The following ACSL4 variants were observed in gnomAD, a reference collection of about 807,000 sequenced individuals.
ACSL4 encodes the protein acyl-CoA synthetase long chain family member 4.
ACSL4 carries 9 observed loss-of-function variants against 49.1 expected under a neutral mutation model. That is an observed-to-expected ratio of 0.18 (90% CI 0.11 to 0.32). ACSL4 has a LOEUF of 0.32. ACSL4 is among the 10% of genes least tolerant of loss of function. ACSL4 has a pLI of 1.00. For synonymous variants in ACSL4, 191 were observed against 170.3 expected, an observed-to-expected ratio of 1.12 and a Z score of -0.95; for missense variants, 333 against 493.7, an observed-to-expected ratio of 0.67 and a Z score of 3.08.
intron 15 of ACSL4, among the ~76,000 whole-genome samples, chrX:109,648,475 C>A (rs1350699830): frequency 9.0e-6 from 1 of 110,978 alleles, no homozygotes; most frequent in East Asian, 2.8e-4. Context: ...AATTCAACAA[C>A]GCTTCATGCT....
intron 1 of ACSL4, among the ~76,000 whole-genome samples, chrX:109,701,869 T>C (rs1925984338): frequency 1.1e-5 from 1 of 94,801 alleles, no homozygotes; most frequent in Non-Finnish European, 2.1e-5. Context: ...TAAACAACAA[T>C]TGAATCATAC....
intron 9 of ACSL4, among the ~76,000 whole-genome samples, chrX:109,671,616 G>C (rs970287638): frequency 2.5e-4 from 28 of 112,754 alleles, no homozygotes; most frequent in Admixed American, 2.4e-3. Flanking sequence ...GATGACGATG[G>C]CGGTTTTGTC....
chrX:109,645,192 C>T (rs1304273063), intron 15 of ACSL4, among the ~76,000 whole-genome samples: 3 of 113,186 alleles, frequency 2.7e-5, no homozygotes, highest in South Asian at 3.6e-4. Context: ...GGCCTGCCTG[C>T]CTCTGTAGGC....
rs1357957701 is a variant in ACSL4 at position 109,661,620 on chromosome X, T to C, written c.1608A>G (p.Leu536=). Residue 536 remains leucine (L), a synonymous_variant, in exon 14 of 16, where the codon TTA becomes TTG. Coordinates refer to ENST00000672401, the MANE Select transcript of ACSL4 (RefSeq NM_001318510.2). The part of the protein sequence containing the change: ...IIDRKKDLVK[L]QAGEYVSLGK... The stretch of plus-strand genomic sequence containing the variant: ...CAAGAGATACATACTCTCCTGCTTG[T>C]AACTTCACTAGATCTTTCTTACGAT... 6 of 1,195,452 alleles carry C rather than the reference T, an allele frequency of 5.0e-6. No homozygotes were observed. The African/African-American group carries it at 7.0e-5, about 14-fold the overall frequency.
At chrX:109,644,233 A>G (rs1934540683) in intron 15 of ACSL4, 47 bp from the exon 16 acceptor site, 6 of 1,128,611 alleles carry the variant, frequency 5.3e-6, no homozygotes, top group Non-Finnish European at 7.2e-6. Flanking sequence ...GGGGGGAAAG[A>G]GACGAGAAAG....
chrX:109,657,282 G>A (rs1921747778), intron 15 of ACSL4, among the ~76,000 whole-genome samples: 2 of 111,045 alleles, frequency 1.8e-5, no homozygotes, highest in South Asian at 7.5e-4. Flanking sequence ...TGTTACATAT[G>A]TATACATGTG....
chrX:109,670,489 G>A (rs1923083453), intron 9 of ACSL4, among the ~76,000 whole-genome samples: 1 of 107,995 alleles, frequency 9.3e-6, no homozygotes, highest in Admixed American at 9.8e-5. Context: ...GGAGGCTGAG[G>A]CAGGAGAATC....
At chrX:109,706,771 G>C (rs1926380593) in intron 1 of ACSL4, among the ~76,000 whole-genome samples, 1 of 112,436 alleles carries the variant, frequency 8.9e-6, no homozygotes, top group Non-Finnish European at 1.9e-5. Context: ...GTCAAGAAGT[G>C]TGTTGATACA....
chrX:109,707,542 C>T (rs764144685), intron 1 of ACSL4, among the ~76,000 whole-genome samples: 2 of 111,509 alleles, frequency 1.8e-5, no homozygotes, highest in Non-Finnish European at 1.9e-5. Context: ...GGCAGAAATG[C>T]TCACTTGTCG....
intron 15 of ACSL4, among the ~76,000 whole-genome samples, chrX:109,644,843 C>G (rs780462953): frequency 4.4e-5 from 5 of 113,374 alleles, no homozygotes; most frequent in East Asian, 2.8e-4. Context: ...CGAGCCGAAG[C>G]AGGGCGAGGC....
intron 15 of ACSL4, among the ~76,000 whole-genome samples, chrX:109,645,161 G>A (rs1405896555): frequency 8.8e-6 from 1 of 113,216 alleles, no homozygotes; most frequent in Non-Finnish European, 1.9e-5. Flanking sequence ...CAACTGGGTG[G>A]AGCCCACCAC....
chrX:109,713,550 T>G (rs1478902728), intron 1 of ACSL4, among the ~76,000 whole-genome samples: 4 of 110,491 alleles, frequency 3.6e-5, no homozygotes, highest in Admixed American at 2.9e-4. Context: ...CACATAAAAT[T>G]GCCAATAGTA....
At chrX:109,692,605 C>A (rs1213307345) in intron 2 of ACSL4, among the ~76,000 whole-genome samples, 1 of 111,890 alleles carries the variant, frequency 8.9e-6, no homozygotes, top group South Asian at 3.7e-4. Flanking sequence ...AGAAGGGCAG[C>A]AGACAGCACA....
chrX:109,709,860 A>C (rs1243612206), intron 1 of ACSL4, among the ~76,000 whole-genome samples: 1 of 111,483 alleles, frequency 9.0e-6, no homozygotes, highest in Non-Finnish European at 1.9e-5. Flanking sequence ...TAATCCCAGC[A>C]CTTTGGGAGG....
intron 15 of ACSL4, among the ~76,000 whole-genome samples, chrX:109,649,132 A>G (rs1443031518): frequency 9.0e-6 from 1 of 111,584 alleles, no homozygotes; most frequent in Non-Finnish European, 1.9e-5. Context: ...TGCCATCCCC[A>G]TCAAGCTATC....
chrX:109,707,350 C>T (rs866151050), intron 1 of ACSL4, among the ~76,000 whole-genome samples: 1 of 112,344 alleles, frequency 8.9e-6, no homozygotes, highest in Non-Finnish European at 1.9e-5. Context: ...CAAAAAGGCA[C>T]TTTATATACT....
At chrX:109,680,881 C>CTT in intron 6 of ACSL4, 117 bp downstream of exon 6, 9 of 725,170 alleles carry the variant, frequency 1.2e-5, no homozygotes, top group Non-Finnish European at 1.6e-5. Flanking sequence ...GATTTTTGAA[C>CTT]TTTTTTTTTT....
intron 2 of ACSL4, chrX:109,695,854 C>T (rs943950608): frequency 4.5e-5 from 5 of 111,977 alleles, no homozygotes; most frequent in African/African-American, 1.6e-4. Context: ...AACTCCAATC[C>T]CTGACTCCAG....
intron 1 of ACSL4, among the ~76,000 whole-genome samples, chrX:109,703,334 G>T (rs758436353): frequency 4.7e-4 from 52 of 111,351 alleles, no homozygotes; most frequent in Non-Finnish European, 8.9e-4. Context: ...ACCCAGATTA[G>T]GAACATTTTT....
Sources: allele counts gnomAD v4.1 joint callset (sites outside exome capture counted in the v4.1 genomes callset), GRCh38; gene constraint gnomAD v4.1.1; transcripts MANE v1.5; gene names NCBI Gene and HGNC (gene_info 2026-07-23, HGNC 2026-07-21).